SYN3: variants seen among roughly 807,000 people sequenced by gnomAD.
The protein encoded by SYN3 is synapsin III.
A neutral mutation model predicts 65.8 loss-of-function variants in SYN3; 35 were observed. The observed-to-expected ratio is 0.53, with a 90% CI of 0.41 to 0.70. The LOEUF (loss-of-function observed/expected upper bound fraction) is 0.70, where lower values mean the gene tolerates loss of function less well. SYN3 is among the 30% of genes least tolerant of loss of function. SYN3 has a pLI of 0.00. For synonymous variants in SYN3, 270 were observed against 292.9 expected (o/e 0.92, Z 0.80); for missense variants, 680 against 749.0 (o/e 0.91, Z 1.08).
intron 6 of SYN3, among the ~76,000 whole-genome samples, chr22:32,792,552 C>G (rs577840207): frequency 7.2e-5 from 11 of 152,248 alleles, no homozygotes; most frequent in African/African-American, 2.6e-4. Context: ...GTTCTGGGCC[C>G]TATCTACGTA....
intron 1 of SYN3, among the ~76,000 whole-genome samples, chr22:33,007,555 C>T (rs1466082866): frequency 4.6e-5 from 7 of 152,236 alleles, no homozygotes; most frequent in East Asian, 3.9e-4. Context: ...GTGTGGCCCA[C>T]GCGATGGAAG....
intron 6 of SYN3, among the ~76,000 whole-genome samples, chr22:32,684,724 C>G (rs2147127203): frequency 1.3e-5 from 2 of 152,304 alleles, no homozygotes; most frequent in East Asian, 1.9e-4. Context: ...ACTGTCACTG[C>G]TACACGTTCA....
At chr22:32,584,413 C>G (rs374664872) in intron 7 of SYN3, among the ~76,000 whole-genome samples, 1 of 152,124 alleles carries the variant, frequency 6.6e-6, no homozygotes, top group Non-Finnish European at 1.5e-5. Context: ...CCCACCCCAC[C>G]GGGTGATGTG....
chr22:32,770,343 T>A (rs2045735528), intron 6 of SYN3, among the ~76,000 whole-genome samples: 1 of 152,126 alleles, frequency 6.6e-6, no homozygotes, highest in African/African-American at 2.4e-5. Context: ...ACTCTTCTGC[T>A]CAATGCTCTG....
At chr22:32,772,436 G>C (rs1373907885) in intron 6 of SYN3, among the ~76,000 whole-genome samples, 1 of 151,910 alleles carries the variant, frequency 6.6e-6, no homozygotes, top group East Asian at 1.9e-4. Flanking sequence ...TCTCGGGCAA[G>C]CTTCCTTGTC....
At position 32,511,920 on chromosome 22, in the gene SYN3, G is replaced by A. The variant is rs1030336856; in HGVS notation, c.*1772C>T. ...ACCTGATCATGAGTGAGGGAAGAGG[G>A]CAATGTGAAGAGGACTGTCCTAAAG... On this transcript the variant is annotated 3_prime_UTR_variant, in exon 14 of 14. Transcript: ENST00000358763. 1.3e-5 allele frequency among the ~76,000 whole-genome samples: 2 copies of A among 152,208 alleles called. No homozygotes were observed. Among genetic ancestry groups the A allele is most frequent in the Non-Finnish European group, 2.9e-5 (2 of 68,042 alleles).
intron 6 of SYN3, among the ~76,000 whole-genome samples, chr22:32,609,300 C>T (rs1170496054): frequency 6.7e-6 from 1 of 149,386 alleles, no homozygotes; most frequent in African/African-American, 2.5e-5. Flanking sequence ...CCAGCCTGGG[C>T]GACAGAGTGA....
Position 32,790,041 on chromosome 22 carries a change from G to C in SYN3, c.711+74874C>G, listed in dbSNP as rs1326701952. On this transcript the variant is annotated intron_variant, in intron 6 of 13. Transcript: ENST00000358763. ...GCGCTATTGTTGTCCCTGTATCACA[G>C]ACGAGAATACGGAGGCACAAGAATG... Among the ~76,000 whole-genome samples, 6 of 152,322 alleles carry C rather than the reference G, an allele frequency of 3.9e-5. No homozygotes were observed. In the East Asian group the frequency reaches 9.6e-4, roughly 24 times the overall value.
chr22:32,597,204 C>CTTTT lies in SYN3; in HGVS notation c.712-472_712-469dup, dbSNP rs6147592. ...GCATACTCCTGTCTTACATTATTCTCTTTTTTTTTTTTTTTTTTTTTTTTT... is the reference window on the plus strand; with the variant it reads ...GCATACTCCTGTCTTACATTATTCTCTTTTTTTTTTTTTTTTTTTTTTTTTTTTT... On this transcript the variant is annotated intron_variant, in intron 6 of 13. Transcript: ENST00000358763. Among the ~76,000 whole-genome samples the CTTTT allele has an allele frequency of 5.1e-4, 45 of 87,394 alleles. 1 individual carries two copies. The highest frequency in any genetic ancestry group is 0.013 in the Middle Eastern group (1 of 78). 57.3% of individuals were successfully genotyped at this position (87,394 alleles called of 152,430 possible).
chr22:32,559,099 T>C (rs566099053), intron 7 of SYN3, among the ~76,000 whole-genome samples: 13 of 152,350 alleles, frequency 8.5e-5, no homozygotes, highest in African/African-American at 3.1e-4. Flanking sequence ...ATGAGGTAAG[T>C]ACTACTATTC....
chr22:32,868,363 G>T (rs2048745470), intron 5 of SYN3, among the ~76,000 whole-genome samples: 1 of 150,870 alleles, frequency 6.6e-6, no homozygotes. Context: ...TTACATATAT[G>T]TAATATCATA....
chr22:32,748,786 T>C (rs1258267823), intron 6 of SYN3, among the ~76,000 whole-genome samples: 1 of 152,124 alleles, frequency 6.6e-6, no homozygotes, highest in African/African-American at 2.4e-5. Context: ...CGATGGAACA[T>C]TAGAAGCCCC....
intron 6 of SYN3, among the ~76,000 whole-genome samples, chr22:32,821,248 G>T (rs1285049843): frequency 1.3e-5 from 2 of 152,142 alleles, no homozygotes; most frequent in Non-Finnish European, 2.9e-5. Flanking sequence ...TTGCAAAATG[G>T]GAAAGACCCC....
chr22:32,866,220 G>A (rs1278367465), intron 5 of SYN3, among the ~76,000 whole-genome samples: 1 of 152,190 alleles, frequency 6.6e-6, no homozygotes, highest in Non-Finnish European at 1.5e-5. Flanking sequence ...TGGCCAACCT[G>A]ACTTGGAGGT....
chr22:33,008,773 T>A (rs7289372), intron 1 of SYN3, among the ~76,000 whole-genome samples: 67,016 of 150,206 alleles, frequency 0.45, 15,239 homozygotes, highest in Middle Eastern at 0.54. Context: ...TAATTTTTTT[T>A]AAAAAGCTGG....
intron 6 of SYN3, among the ~76,000 whole-genome samples, chr22:32,608,137 G>A (rs182023494): frequency 2.3e-4 from 35 of 152,000 alleles, no homozygotes; most frequent in African/African-American, 2.7e-4. Context: ...GTGTGATCTC[G>A]GCTCACTGCA....
intron 6 of SYN3, among the ~76,000 whole-genome samples, chr22:32,703,244 A>G (rs755124546): frequency 4.8e-4 from 73 of 152,234 alleles, no homozygotes; most frequent in Non-Finnish European, 8.2e-4. Flanking sequence ...AATAAATTAG[A>G]GCAGTTAAAT....
At chr22:32,875,407 T>C (rs1446377140) in intron 4 of SYN3, among the ~76,000 whole-genome samples, 1 of 152,214 alleles carries the variant, frequency 6.6e-6, no homozygotes, top group Non-Finnish European at 1.5e-5. Flanking sequence ...TCTTCCTTCC[T>C]GAATCTCTGT....
intron 7 of SYN3, among the ~76,000 whole-genome samples, chr22:32,584,459 G>T (rs1463101734): frequency 6.6e-6 from 1 of 152,190 alleles, no homozygotes; most frequent in East Asian, 1.9e-4. Context: ...TTAAGGGGAA[G>T]AATTCTCTGG....
Sources: allele counts gnomAD v4.1 joint callset (sites outside exome capture counted in the v4.1 genomes callset), GRCh38; gene constraint gnomAD v4.1.1; transcripts MANE v1.5; gene names NCBI Gene and HGNC (gene_info 2026-07-23, HGNC 2026-07-21).